Variants in FSIP1 observed in about 807,000 individuals in gnomAD.
FSIP1 encodes the protein fibrous sheath-interacting protein 1.
Under a neutral mutation model 60.9 loss-of-function variants are expected in FSIP1, and 65 were observed. The observed-to-expected ratio is 1.07, with a 90% CI of 0.87 to 1.31. The LOEUF (loss-of-function observed/expected upper bound fraction) is 1.31. Ranked by LOEUF, FSIP1 falls within the 40% of genes most tolerant of loss-of-function variation. The pLI is 0.00. For missense variants in FSIP1, 675 were observed against 665.5 expected (o/e 1.01, Z -0.16); for synonymous variants, 209 against 221.2 (o/e 0.94, Z 0.49).
chr15:39,713,863 G>T (rs1459637830), intron 9 of FSIP1, among the ~76,000 whole-genome samples: 2 of 152,190 alleles, frequency 1.3e-5, no homozygotes, highest in African/African-American at 4.8e-5. Context: ...CCTGGGTTCT[G>T]GTCCCTGCTC....
chr15:39,603,768 G>A (rs771242995), intron 11 of FSIP1, among the ~76,000 whole-genome samples: 26 of 152,014 alleles, frequency 1.7e-4, no homozygotes, highest in Admixed American at 6.6e-4. Context: ...TGGGAAAAAA[G>A]GTACTTTCTG....
At chr15:39,732,901 T>C (rs992942436) in intron 8 of FSIP1, among the ~76,000 whole-genome samples, 7 of 152,244 alleles carry the variant, frequency 4.6e-5, no homozygotes, top group Non-Finnish European at 1.0e-4. Flanking sequence ...AAAGTTTTCC[T>C]AAACTTTTCC....
In FSIP1 at chr15:39,774,016, G is replaced by A. The variant is rs557975602; in HGVS notation, c.126+2383C>T. 8.5e-5 allele frequency among the ~76,000 whole-genome samples: 13 copies of A among 152,296 alleles called. No homozygotes were observed. In the East Asian group the frequency reaches 2.5e-3, roughly 29 times the overall value. Reference sequence around the variant, plus strand: ...ACCAAAAAAGTGAATTTTATTGTATGTGACTTTTTTTAACTAAAAATTAAA... The same window carrying A: ...ACCAAAAAAGTGAATTTTATTGTATATGACTTTTTTTAACTAAAAATTAAA... On this transcript the variant is annotated intron_variant, in intron 2 of 11. Transcript: ENST00000350221.
intron 10 of FSIP1, among the ~76,000 whole-genome samples, chr15:39,676,868 A>T (rs1008489928): frequency 6.6e-6 from 1 of 152,224 alleles, no homozygotes; most frequent in African/African-American, 2.4e-5. Flanking sequence ...TACATGACTT[A>T]TCCACACTGA....
intron 10 of FSIP1, among the ~76,000 whole-genome samples, chr15:39,709,370 G>A (rs1479778553): frequency 1.3e-5 from 2 of 152,192 alleles, no homozygotes; most frequent in Non-Finnish European, 2.9e-5. Context: ...GAGGGCAGTA[G>A]ACTAATTTTG....
intron 10 of FSIP1, among the ~76,000 whole-genome samples, chr15:39,658,013 T>C (rs757353203): frequency 1.3e-5 from 2 of 152,178 alleles, no homozygotes; most frequent in Non-Finnish European, 2.9e-5. Context: ...ACTAACTTAA[T>C]TTGCAACTTA....
At chr15:39,694,205 A>G (rs1344078027) in intron 10 of FSIP1, among the ~76,000 whole-genome samples, 1 of 151,912 alleles carries the variant, frequency 6.6e-6, no homozygotes, top group East Asian at 1.9e-4. Flanking sequence ...CAAGGATTTT[A>G]GTATGTAACC....
intron 10 of FSIP1, among the ~76,000 whole-genome samples, chr15:39,666,534 G>T (rs1893500826): frequency 6.6e-6 from 1 of 152,156 alleles, no homozygotes; most frequent in Non-Finnish European, 1.5e-5. Context: ...CATATGGAAA[G>T]CTTCATAAAG....
Position 39,770,594 on chromosome 15 carries a change from T to G in FSIP1, c.143A>C (p.Asn48Thr). The G allele has an allele frequency of 2.0e-6, 3 of 1,531,720 alleles. No individual in the cohort carries two copies. The highest frequency in any genetic ancestry group is 1.7e-6 in the Non-Finnish European group (2 of 1,144,034). The allele number at this position is 1,531,720 out of a possible 1,614,324, so 94.9% of individuals were successfully genotyped here. The change falls in exon 3 of 12, where the codon AAC becomes ACC. Residue 48 changes from asparagine (N) to threonine (T), a missense_variant. Asn to Thr is a moderately conservative substitution (Grantham distance 65). Transcript: ENST00000350221. ...PGSFKVDTAS[N>T]LNSGKEDHSE... ...GTGGTCCTCTTTACCAGAGTTCAAG[T>G]TGCTTGCAGTATCGACCTAAAAATA...
intron 9 of FSIP1, among the ~76,000 whole-genome samples, chr15:39,715,354 C>T (rs192034479): frequency 7.2e-5 from 11 of 152,244 alleles, no homozygotes; most frequent in Admixed American, 5.9e-4. Context: ...CTCTCAGCCA[C>T]GCCACATGCT....
At chr15:39,666,002 CACTT>C (rs1893481154) in intron 10 of FSIP1, among the ~76,000 whole-genome samples, 1 of 152,126 alleles carries the variant, frequency 6.6e-6, no homozygotes, top group Non-Finnish European at 1.5e-5. Flanking sequence ...AGAAGAATCT[CACTT>C]ACTTATTAAC....
At chr15:39,634,123 G>T (rs546483169) in intron 10 of FSIP1, among the ~76,000 whole-genome samples, 1 of 152,158 alleles carries the variant, frequency 6.6e-6, no homozygotes, top group East Asian at 1.9e-4. Flanking sequence ...CAAGGTCATC[G>T]CTTTGGCAAT....
At chr15:39,628,935 A>C (rs1891760372) in intron 10 of FSIP1, among the ~76,000 whole-genome samples, 1 of 152,252 alleles carries the variant, frequency 6.6e-6, no homozygotes, top group Non-Finnish European at 1.5e-5. Context: ...AGCTGCGAGG[A>C]CCATGCCTGA....
intron 10 of FSIP1, among the ~76,000 whole-genome samples, chr15:39,646,159 C>G (rs1193516090): frequency 6.6e-6 from 1 of 152,160 alleles, no homozygotes; most frequent in Non-Finnish European, 1.5e-5. Context: ...CTGCTGATAG[C>G]TGGAGACGAT....
In FSIP1 at chr15:39,613,219, A is replaced by C. The variant is rs180671281; in HGVS notation, c.1699+4516T>G. On this transcript the variant is annotated intron_variant, in intron 11 of 11. Transcript: ENST00000350221. ...ATACTTTTTAAAGTCTTTAAGCTCAAAACTTCTGCTTATTTAAAACAAAAC... is the reference window on the plus strand; with the variant it reads ...ATACTTTTTAAAGTCTTTAAGCTCACAACTTCTGCTTATTTAAAACAAAAC... 4.1e-3 allele frequency among the ~76,000 whole-genome samples: 629 copies of C among 152,320 alleles called. 6 individuals carry two copies. The highest frequency in any genetic ancestry group is 0.015 in the African/African-American group (606 of 41,588).
intron 5 of FSIP1, among the ~76,000 whole-genome samples, chr15:39,758,082 A>T (rs1595393250): frequency 1.3e-5 from 2 of 152,266 alleles, no homozygotes; most frequent in South Asian, 4.1e-4. Context: ...ATCAGGACTA[A>T]TCTAACATTA....
Position 39,682,202 on chromosome 15 carries a change from A to G in FSIP1, c.1188+31242T>C, listed in dbSNP as rs564427882. ...TAATTCACTTTCTTTGCAGATACTT[A>G]TGTCTTAAATATTACTGACCATTTT... On this transcript the variant is annotated intron_variant, in intron 10 of 11. Transcript: ENST00000350221. 2.6e-5 allele frequency among the ~76,000 whole-genome samples: 4 copies of G among 152,348 alleles called. No individual in the cohort carries two copies. In the East Asian group the frequency reaches 7.7e-4, roughly 29 times the overall value.
intron 3 of FSIP1, among the ~76,000 whole-genome samples, chr15:39,769,481 T>C (rs1897809648): frequency 1.3e-5 from 2 of 152,178 alleles, no homozygotes; most frequent in Admixed American, 6.5e-5. Context: ...TGAGAATTGT[T>C]TGTCAGTCAT....
chr15:39,612,253 A>G (rs374617706), intron 11 of FSIP1, among the ~76,000 whole-genome samples: 103 of 152,360 alleles, frequency 6.8e-4, no homozygotes, highest in African/African-American at 2.4e-3. Flanking sequence ...GATAGGCCAC[A>G]AAACAAGTCT....
Sources: gnomAD v4.1 joint callset for allele counts (sites outside exome capture counted in the v4.1 genomes callset) on GRCh38, gnomAD v4.1.1 for gene constraint, MANE v1.5 for transcripts, NCBI Gene and HGNC (gene_info 2026-07-23, HGNC 2026-07-21) for gene names.